Variants in RCAN3 observed in about 807,000 individuals in gnomAD.
The protein encoded by RCAN3 is calcipressin-3.
A neutral mutation model predicts 21.9 loss-of-function variants in RCAN3; 19 were observed. The observed-to-expected ratio is 0.87, with a 90% CI of 0.61 to 1.27. The LOEUF (loss-of-function observed/expected upper bound fraction) is 1.27, where lower values mean the gene tolerates loss of function less well. RCAN3 is among the 50% of genes most tolerant of loss of function. The pLI is 0.00. For missense variants in RCAN3, 240 were observed against 300.1 expected, an observed-to-expected ratio of 0.80 and a Z score of 1.48; for synonymous variants, 114 against 112.3, an observed-to-expected ratio of 1.01 and a Z score of -0.09.
intron 2 of RCAN3, among the ~76,000 whole-genome samples, chr1:24,519,309 C>T (rs971223335): frequency 1.3e-5 from 2 of 151,710 alleles, no homozygotes; most frequent in Non-Finnish European, 2.9e-5. Context: ...ACCTCTGCCT[C>T]TCAAAGTGCT....
At chr1:24,514,147 G>A (rs1380422914) in intron 1 of RCAN3, among the ~76,000 whole-genome samples, 167 bp from the exon 2 acceptor site, 12 of 152,042 alleles carry the variant, frequency 7.9e-5, no homozygotes, top group Admixed American at 2.0e-4. Context: ...TCAAATTAGC[G>A]TATCTAGAAT....
Position 24,535,595 on chromosome 1 carries a change from T to A in RCAN3, c.*318T>A. On this transcript the variant is annotated 3_prime_UTR_variant, in exon 5 of 5. Transcript: ENST00000374395. ...TCCCCTCCAGCCATGTAAGTCCTCC[T>A]GATTCTGTATCACATGAGACACCAA... 3.8e-6 allele frequency: 1 copy of A among 260,780 alleles called. No individual in the cohort carries two copies. The highest frequency in any genetic ancestry group is 6.8e-5 in the East Asian group (1 of 14,704). The allele number at this position is 260,780 out of a possible 1,614,324, so 16.2% of individuals were successfully genotyped here.
rs1338590513 is a variant in RCAN3, at chr1:24,533,962, A to T, written c.541+708A>T. 3.3e-5 allele frequency among the ~76,000 whole-genome samples: 5 copies of T among 152,310 alleles called. No individual in the cohort carries two copies. In the East Asian group the frequency reaches 9.7e-4, roughly 29 times the overall value. On this transcript the variant is annotated intron_variant, in intron 4 of 4. Coordinates refer to ENST00000374395, the MANE Select transcript of RCAN3 (RefSeq NM_013441.4). ...CCCCACCAAGTATCAGACAAACAAC[A>T]ACTACTTTGAATATATTACAAGGAA...
chr1:24,534,618 A>G (rs982084786), intron 4 of RCAN3, among the ~76,000 whole-genome samples: 35 of 150,398 alleles, frequency 2.3e-4, no homozygotes, highest in African/African-American at 8.1e-4. Flanking sequence ...AAAAAAAGAA[A>G]AAAAAAAACC....
chr1:24,533,500 T>C (rs1347275962), intron 4 of RCAN3, among the ~76,000 whole-genome samples: 1 of 152,136 alleles, frequency 6.6e-6, no homozygotes, highest in Admixed American at 6.5e-5. Flanking sequence ...TTCAGTGTGG[T>C]TATAAGTACT....
rs553420956 is a variant in RCAN3 at position 24,524,832 on chromosome 1, T to G, written c.196-6386T>G. On this transcript the variant is annotated intron_variant, in intron 2 of 4. Transcript: ENST00000374395. ...CTGTTTATTTTGTTTTCTTTTGTTT[T>G]TTTTTTTTTTTTTTTGAGACAGGGT... Among the ~76,000 whole-genome samples, 86 of 148,152 alleles carry G rather than the reference T, an allele frequency of 5.8e-4. 1 individual carries two copies. The highest frequency in any genetic ancestry group is 2.0e-4 in the East Asian group (1 of 5,102).
At chr1:24,527,172 C>T (rs202168300) in intron 2 of RCAN3, among the ~76,000 whole-genome samples, 2 of 89,178 alleles carry the variant, frequency 2.2e-5, no homozygotes, top group African/African-American at 3.8e-5. Flanking sequence ...ACTAGGACTA[C>T]AGGTGTGTAA....
intron 1 of RCAN3, among the ~76,000 whole-genome samples, chr1:24,508,051 T>C (rs1416103918): frequency 6.6e-6 from 1 of 151,868 alleles, no homozygotes. Flanking sequence ...TGAGCCGAGA[T>C]CGCGCCACTG....
At chr1:24,510,732 G>T (rs189586910) in intron 1 of RCAN3, among the ~76,000 whole-genome samples, 1 of 152,246 alleles carries the variant, frequency 6.6e-6, no homozygotes, top group Non-Finnish European at 1.5e-5. Flanking sequence ...TTTCCTTTGG[G>T]AACTTTTCCT....
chr1:24,508,634 C>T (rs2148891853), intron 1 of RCAN3, among the ~76,000 whole-genome samples: 1 of 152,266 alleles, frequency 6.6e-6, no homozygotes. Context: ...GCAGCCAGGT[C>T]ATGTGCTACA....
At position 24,539,538 on chromosome 1, in the gene RCAN3, A is replaced by G. The variant is rs1291164088; in HGVS notation, c.*4261A>G. ...CTACTAAAGCAGAATGAGATCTAAT[A>G]TGTTGTGGAAATAAAAGAGTTTGCA... On this transcript the variant is annotated 3_prime_UTR_variant, in exon 5 of 5. Coordinates refer to ENST00000374395, the MANE Select transcript of RCAN3 (RefSeq NM_013441.4). 1.3e-5 allele frequency: 2 copies of G among 152,218 alleles called. No individual in the cohort carries two copies. The highest frequency in any genetic ancestry group is 2.9e-5 in the Non-Finnish European group (2 of 68,034). The allele number at this position is 152,218 out of a possible 1,614,324, so 9.4% of individuals were successfully genotyped here. A position where few individuals can be genotyped will look rare whatever the true frequency, so the allele number is the denominator to read the frequency against.
In RCAN3 at chr1:24,535,183, CA is replaced by C; in HGVS notation, c.638del (p.Asn213ThrfsTer19). ...AGTGAAACTGAAGAGGAAGAAGAGACAAAAAACCCCAAACAGAAAATTGCCC... is the reference window on the plus strand; with the variant it reads ...AGTGAAACTGAAGAGGAAGAAGAGACAAAAACCCCAAACAGAAAATTGCCC... ...CESETEEEEE[T>X]KNPKQKIAQT... On this transcript the variant is annotated frameshift_variant, in exon 5 of 5. Transcript: ENST00000374395. LOFTEE classifies it low-confidence loss of function (END_TRUNC). The C allele has an allele frequency of 6.3e-7, 1 of 1,594,370 alleles. No homozygotes were observed. The highest frequency in any genetic ancestry group is 2.3e-5 in the East Asian group (1 of 43,016).
Position 24,539,592 on chromosome 1 carries a change from T to C in RCAN3, c.*4315T>C, listed in dbSNP as rs975940718. The C allele has an allele frequency of 1.2e-4, 19 of 152,234 alleles. No homozygotes were observed. The highest frequency in any genetic ancestry group is 4.6e-4 in the African/African-American group (19 of 41,466). The allele number at this position is 152,234 out of a possible 1,614,324, so 9.4% of individuals were successfully genotyped here. On this transcript the variant is annotated 3_prime_UTR_variant, in exon 5 of 5. Transcript: ENST00000374395. ...GAATGATACTCTCACTCCGTGCTTG[T>C]AAAATTGAGTTCTATTCAAGACGGA...
In RCAN3 at chr1:24,539,183, T is replaced by C. The variant is rs908376971; in HGVS notation, c.*3906T>C. On this transcript the variant is annotated 3_prime_UTR_variant, in exon 5 of 5. Coordinates refer to ENST00000374395, the MANE Select transcript of RCAN3 (RefSeq NM_013441.4). Reference sequence around the variant, plus strand: ...CTCCTGGGCTAGGGCTTTTTCTACCTTTTTTTGCATTGGCCTCTTAAAGAG... The same window carrying C: ...CTCCTGGGCTAGGGCTTTTTCTACCCTTTTTTGCATTGGCCTCTTAAAGAG... 3 of 151,962 alleles carry C rather than the reference T, an allele frequency of 2.0e-5. No individual in the cohort carries two copies. Among genetic ancestry groups the C allele is most frequent in the Non-Finnish European group, 4.4e-5 (3 of 67,968 alleles). The allele number at this position is 151,962 out of a possible 1,614,324, so 9.4% of individuals were successfully genotyped here.
chr1:24,531,767 A>G (rs1649781583), intron 3 of RCAN3, among the ~76,000 whole-genome samples: 1 of 152,256 alleles, frequency 6.6e-6, no homozygotes, highest in African/African-American at 2.4e-5. Flanking sequence ...AACTGAGAAA[A>G]TGGTCTCTTA....
chr1:24,533,970 T>C (rs554677521), intron 4 of RCAN3, among the ~76,000 whole-genome samples: 1 of 152,340 alleles, frequency 6.6e-6, no homozygotes, highest in East Asian at 1.9e-4. Context: ...ACAACTACTT[T>C]GAATATATTA....
At chr1:24,516,057 C>G (rs1185985145) in intron 2 of RCAN3, among the ~76,000 whole-genome samples, 1 of 152,008 alleles carries the variant, frequency 6.6e-6, no homozygotes, top group Non-Finnish European at 1.5e-5. Flanking sequence ...ACAGGAGAAT[C>G]GCTTGAACCT....
chr1:24,523,188 C>T (rs1256928049), intron 2 of RCAN3, among the ~76,000 whole-genome samples: 11 of 151,986 alleles, frequency 7.2e-5, no homozygotes, highest in Admixed American at 5.2e-4. Context: ...CTCAGCCTCC[C>T]GAGTAGCTGG....
At chr1:24,504,725 G>GA (rs1570438007) in intron 1 of RCAN3, among the ~76,000 whole-genome samples, 2 of 152,024 alleles carry the variant, frequency 1.3e-5, no homozygotes, top group East Asian at 1.9e-4. Flanking sequence ...TTGTTACTTA[G>GA]AAAAAAAACA....
Sources: gnomAD v4.1 joint callset for allele counts (sites outside exome capture counted in the v4.1 genomes callset) on GRCh38, gnomAD v4.1.1 for gene constraint, MANE v1.5 for transcripts, NCBI Gene and HGNC (gene_info 2026-07-23, HGNC 2026-07-21) for gene names.